TLL2: variants seen among roughly 807,000 people sequenced by gnomAD.
TLL2 encodes tolloid-like protein 2.
In TLL2, 106 loss-of-function variants were observed where a neutral mutation model predicts 123.0. The observed-to-expected ratio is 0.86, with a 90% CI of 0.74 to 1.01. The LOEUF (loss-of-function observed/expected upper bound fraction) is 1.01, where lower values mean the gene tolerates loss of function less well. Ranked by LOEUF, TLL2 falls within the 50% of genes least tolerant of loss-of-function variation. The probability of loss-of-function intolerance (pLI) is 0.00; values close to 1 mark genes in which losing one functional copy is unlikely to be tolerated. For missense variants in TLL2, 1,332 were observed against 1,336.7 expected, an observed-to-expected ratio of 1.00 and a Z score of 0.06; for synonymous variants, 494 against 516.8, an observed-to-expected ratio of 0.96 and a Z score of 0.60.
At position 96,489,476 on chromosome 10, in the gene TLL2, C is replaced by A. The variant is rs546559065; in HGVS notation, c.176-9017G>T. On this transcript the variant is annotated intron_variant, in intron 1 of 20. Coordinates refer to ENST00000357947, the MANE Select transcript of TLL2 (RefSeq NM_012465.4). The stretch of plus-strand genomic sequence containing the variant: ...TCCGGGAGGTTGAGGCTGCAGTGAG[C>A]CATGATGGTGTCAGTCCACTCCAGC... Among the ~76,000 whole-genome samples, 40 of 152,128 alleles carry A rather than the reference C, an allele frequency of 2.6e-4. No individual in the cohort carries two copies. In the East Asian group the frequency reaches 6.8e-3, roughly 26 times the overall value.
chr10:96,470,535 A>G (rs901784871), intron 2 of TLL2, among the ~76,000 whole-genome samples: 1 of 152,240 alleles, frequency 6.6e-6, no homozygotes, highest in Non-Finnish European at 1.5e-5. Context: ...ATAAGCCTGC[A>G]AAACACATCC....
intron 2 of TLL2, among the ~76,000 whole-genome samples, chr10:96,460,184 T>C (rs1028824099): frequency 6.6e-6 from 1 of 152,216 alleles, no homozygotes; most frequent in Non-Finnish European, 1.5e-5. Context: ...AAATGATTAC[T>C]ATCCATATTA....
intron 7 of TLL2, among the ~76,000 whole-genome samples, chr10:96,415,482 T>C (rs1044792258): frequency 6.6e-6 from 1 of 151,910 alleles, no homozygotes; most frequent in Non-Finnish European, 1.5e-5. Flanking sequence ...ATTGTTTTTC[T>C]TAAGGAGTGA....
chr10:96,485,863 C>T (rs1327993236), intron 1 of TLL2, among the ~76,000 whole-genome samples: 7 of 152,180 alleles, frequency 4.6e-5, no homozygotes, highest in South Asian at 2.1e-4. Context: ...AGACAGTCCA[C>T]GGTGCAGCGC....
At chr10:96,432,128 C>T (rs1375295521) in intron 4 of TLL2, among the ~76,000 whole-genome samples, 1 of 152,150 alleles carries the variant, frequency 6.6e-6, no homozygotes, top group Non-Finnish European at 1.5e-5. Flanking sequence ...GGATGATTCA[C>T]ATATTTTAAA....
intron 2 of TLL2, among the ~76,000 whole-genome samples, chr10:96,477,828 T>C (rs1847274487): frequency 6.6e-6 from 1 of 152,106 alleles, no homozygotes; most frequent in Non-Finnish European, 1.5e-5. Context: ...AGGCTCTGGA[T>C]CTCTAAGGCC....
At chr10:96,410,210 T>C (rs1846487188) in intron 9 of TLL2, 149 bp downstream of exon 9, 4 of 623,146 alleles carry the variant, frequency 6.4e-6, no homozygotes, top group Non-Finnish European at 1.1e-5. Flanking sequence ...CCAGAAATAA[T>C]GAACGTACAG....
At chr10:96,415,627 A>C (rs1846548277) in intron 7 of TLL2, among the ~76,000 whole-genome samples, 1 of 150,272 alleles carries the variant, frequency 6.7e-6, no homozygotes, top group Non-Finnish European at 1.5e-5. Context: ...AGGATAAAGC[A>C]CTGTCTTTTA....
chr10:96,503,066 C>G (rs1397339200), intron 1 of TLL2, among the ~76,000 whole-genome samples: 1 of 152,052 alleles, frequency 6.6e-6, no homozygotes, highest in Admixed American at 6.6e-5. Flanking sequence ...GAGAGGGTAC[C>G]ATGAGAAACC....
chr10:96,478,126 C>T (rs995942072), intron 2 of TLL2, among the ~76,000 whole-genome samples: 1 of 152,252 alleles, frequency 6.6e-6, no homozygotes, highest in Non-Finnish European at 1.5e-5. Context: ...CTTCCCTCAA[C>T]ACAACCCTCT....
At chr10:96,482,166 G>A (rs769996175) in intron 1 of TLL2, among the ~76,000 whole-genome samples, 1 of 151,918 alleles carries the variant, frequency 6.6e-6, no homozygotes, top group South Asian at 2.1e-4. Flanking sequence ...GCTGAGGCAG[G>A]AGAATGGCGT....
chr10:96,440,358 C>T (rs749727659), intron 3 of TLL2, among the ~76,000 whole-genome samples: 1 of 152,152 alleles, frequency 6.6e-6, no homozygotes, highest in Non-Finnish European at 1.5e-5. Flanking sequence ...ATGAGCTATT[C>T]TAAAAATAAA....
intron 2 of TLL2, among the ~76,000 whole-genome samples, chr10:96,458,637 G>A (rs1256340140): frequency 6.8e-6 from 1 of 147,562 alleles, no homozygotes; most frequent in Non-Finnish European, 1.5e-5. Flanking sequence ...CAGTCGTGGT[G>A]GCTCACACCT....
rs530263288 is a variant in TLL2 at position 96,411,440 on chromosome 10, A to T, written c.1049-966T>A. ...AACAAAAAAATGCAGAGGCACAGGG[A>T]GCTGGAATCTTCTATAGCAGGCTAT... On this transcript the variant is annotated intron_variant, in intron 8 of 20. Transcript: ENST00000357947. 2.0e-5 allele frequency among the ~76,000 whole-genome samples: 3 copies of T among 152,302 alleles called. No individual in the cohort carries two copies. The South Asian group carries it at 6.2e-4, about 32-fold the overall frequency.
chr10:96,506,893 G>T (rs1847584881), intron 1 of TLL2, among the ~76,000 whole-genome samples: 1 of 152,140 alleles, frequency 6.6e-6, no homozygotes, highest in Non-Finnish European at 1.5e-5. Context: ...GGACTTTTCT[G>T]TCTACCAAAT....
intron 18 of TLL2, among the ~76,000 whole-genome samples, chr10:96,376,036 A>G (rs1846135369): frequency 6.6e-6 from 1 of 152,220 alleles, no homozygotes; most frequent in Admixed American, 6.5e-5. Flanking sequence ...CACATCATAT[A>G]CGTGAAAAAG....
intron 20 of TLL2, among the ~76,000 whole-genome samples, chr10:96,368,468 T>A (rs1846049725): frequency 6.6e-6 from 1 of 152,228 alleles, no homozygotes; most frequent in Admixed American, 6.5e-5. Flanking sequence ...TATTATTTAT[T>A]AAGTATGCAG....
chr10:96,382,663 C>G (rs1412133354), intron 16 of TLL2, among the ~76,000 whole-genome samples: 5 of 152,232 alleles, frequency 3.3e-5, no homozygotes, highest in African/African-American at 1.2e-4. Context: ...GAGTTTGACC[C>G]CCTTGCCGCT....
intron 2 of TLL2, among the ~76,000 whole-genome samples, chr10:96,471,423 G>A (rs115068973): frequency 6.6e-6 from 1 of 152,160 alleles, no homozygotes; most frequent in Non-Finnish European, 1.5e-5. Flanking sequence ...GTCCCCTGCA[G>A]GTTCCGGAAG....
Sources: allele counts gnomAD v4.1 joint callset (sites outside exome capture counted in the v4.1 genomes callset), GRCh38; gene constraint gnomAD v4.1.1; transcripts MANE v1.5; gene names NCBI Gene and HGNC (gene_info 2026-07-23, HGNC 2026-07-21).